Variants in PRKN observed in about 807,000 individuals in gnomAD.
The protein encoded by PRKN is E3 ubiquitin-protein ligase parkin.
PRKN carries 56 observed loss-of-function variants against 59.5 expected under a neutral mutation model. The ratio of observed to expected loss-of-function variants is 0.94; its 90% CI spans 0.76 to 1.18. The LOEUF (loss-of-function observed/expected upper bound fraction) is 1.18, where lower values mean the gene tolerates loss of function less well. Ranked by LOEUF, PRKN falls within the 50% of genes most tolerant of loss-of-function variation. The pLI is 0.00. For synonymous variants in PRKN, 250 were observed against 222.1 expected (o/e 1.13, Z -1.12); for missense variants, 657 against 596.4 (o/e 1.10, Z -1.06).
rs1000960292 is a variant in PRKN, at chr6:162,715,496, T to C, written c.7+12166A>G. ...TCTGATTATATTAAAGTACAGCTAA[T>C]TGCCCTAATAGTTTAAAGATCCTAA... On this transcript the variant is annotated intron_variant, in intron 1 of 11. Coordinates refer to ENST00000366898, the MANE Select transcript of PRKN (RefSeq NM_004562.3). Among the ~76,000 whole-genome samples, 3 of 152,228 alleles carry C rather than the reference T, an allele frequency of 2.0e-5. No individual in the cohort carries two copies. In the South Asian group the frequency reaches 6.2e-4, roughly 32 times the overall value.
intron 6 of PRKN, among the ~76,000 whole-genome samples, chr6:161,793,312 T>C (rs1790711496): frequency 6.6e-6 from 1 of 152,166 alleles, no homozygotes; most frequent in South Asian, 2.1e-4. Context: ...GCTCACTAAC[T>C]ACCCCTTCTG....
At chr6:162,465,063 TA>T (rs1385970487) in intron 1 of PRKN, among the ~76,000 whole-genome samples, 1 of 152,130 alleles carries the variant, frequency 6.6e-6, no homozygotes, top group African/African-American at 2.4e-5. Context: ...AATGTTTACC[TA>T]AAACTCCCTG....
rs1195474347 is a variant in PRKN, at chr6:161,429,637, G to C, written c.1084-42760C>G. ...GCCACGGAGATGGCTGCTGGTTTCA[G>C]GTTTGGGCCACAAGTAGATCAATGA... is the stretch of plus-strand genomic sequence containing the variant. On this transcript the variant is annotated intron_variant, in intron 9 of 11. Coordinates refer to ENST00000366898, the MANE Select transcript of PRKN (RefSeq NM_004562.3). The surrounding 1 kb of genome is among the most constrained non-coding windows in gnomAD (Gnocchi z 4.2). 6.6e-6 allele frequency among the ~76,000 whole-genome samples: 1 copy of C among 152,134 alleles called. No homozygotes were observed. Among genetic ancestry groups the C allele is most frequent in the Non-Finnish European group, 1.5e-5 (1 of 68,032 alleles).
At chr6:161,872,582 G>T (rs1347373609) in intron 6 of PRKN, among the ~76,000 whole-genome samples, 2 of 152,064 alleles carry the variant, frequency 1.3e-5, no homozygotes, top group East Asian at 3.9e-4. Flanking sequence ...GGCTTTCCTG[G>T]TCACACAGAG....
At chr6:162,673,539 T>A (rs1361389053) in intron 1 of PRKN, among the ~76,000 whole-genome samples, 1 of 152,086 alleles carries the variant, frequency 6.6e-6, no homozygotes, top group Non-Finnish European at 1.5e-5. Context: ...GCGCACACCA[T>A]CATGCCTAGC....
rs1286945606 is a variant in PRKN at position 161,527,071 on chromosome 6, G to A, written c.1083+21783C>T. Reference sequence around the variant, plus strand: ...CTCAGAAGAATCTGTGATCACCTGTGACAGAGTCTGTCTGGGTAAGGTATC... The same window carrying A: ...CTCAGAAGAATCTGTGATCACCTGTAACAGAGTCTGTCTGGGTAAGGTATC... On this transcript the variant is annotated intron_variant, in intron 9 of 11. Transcript: ENST00000366898. This position sits in a 1 kb window ranked among gnomAD's most constrained non-coding sequence, Gnocchi z 4.6. Among the ~76,000 whole-genome samples the A allele has an allele frequency of 6.6e-6, 1 of 152,172 alleles. No homozygotes were observed. The highest frequency in any genetic ancestry group is 2.4e-5 in the African/African-American group (1 of 41,444).
intron 2 of PRKN, among the ~76,000 whole-genome samples, chr6:162,394,259 G>C (rs1385276477): frequency 2.6e-5 from 4 of 152,172 alleles, no homozygotes; most frequent in Non-Finnish European, 5.9e-5. Context: ...CCTCTGCAAT[G>C]CTAGGGAGCT....
At chr6:162,393,140 TGAGGATAGGA>T (rs1787286542) in intron 2 of PRKN, among the ~76,000 whole-genome samples, 1 of 148,124 alleles carries the variant, frequency 6.8e-6, no homozygotes. Flanking sequence ...TGATACTGGG[TGAGGATAGGA>T]GATTCTTTTT....
chr6:161,403,751 G>C (rs560222292), intron 9 of PRKN, among the ~76,000 whole-genome samples: 14 of 152,124 alleles, frequency 9.2e-5, no homozygotes, highest in African/African-American at 2.7e-4. Context: ...TTTTATTCAC[G>C]TGAAGTCTTT....
intron 7 of PRKN, among the ~76,000 whole-genome samples, chr6:161,622,004 G>A (rs1403717455): frequency 1.3e-5 from 2 of 152,106 alleles, no homozygotes; most frequent in African/African-American, 2.4e-5. Flanking sequence ...GCCTTACCAC[G>A]TGTATGCCGC....
At chr6:161,715,067 G>C (rs190491419) in intron 7 of PRKN, among the ~76,000 whole-genome samples, 1 of 152,300 alleles carries the variant, frequency 6.6e-6, no homozygotes, top group East Asian at 1.9e-4. Flanking sequence ...CAAGGCAGCT[G>C]CATGCCAAAG....
rs1039199150 is a variant in PRKN, at chr6:161,538,893, T to A, written c.1083+9961A>T. Among the ~76,000 whole-genome samples, 1 of 152,154 alleles carries A rather than the reference T, an allele frequency of 6.6e-6. No homozygotes were observed. Among genetic ancestry groups the A allele is most frequent in the Non-Finnish European group, 1.5e-5 (1 of 68,030 alleles). On this transcript the variant is annotated intron_variant, in intron 9 of 11. Coordinates refer to ENST00000366898, the MANE Select transcript of PRKN (RefSeq NM_004562.3). This position sits in a 1 kb window ranked among gnomAD's most constrained non-coding sequence, Gnocchi z 4.2. ...TCCTGAGTGCTCATTCTGTGTGGGCTCCCTTGAACTCTGCCTAAATGTCAT... is the reference window on the plus strand; with the variant it reads ...TCCTGAGTGCTCATTCTGTGTGGGCACCCTTGAACTCTGCCTAAATGTCAT...
rs374147159 is a variant in PRKN, at chr6:162,428,317, CAAAT to C, written c.171+14989_171+14992del. ...GACTGAGAATGTATGTATAGATTCT[CAAAT>C]AAGCTTTATCTGAAGAATGTCTTAC... On this transcript the variant is annotated intron_variant, in intron 2 of 11. Transcript: ENST00000366898. Among the ~76,000 whole-genome samples the C allele has an allele frequency of 2.0e-4, 31 of 152,254 alleles. No individual in the cohort carries two copies. In the South Asian group the frequency reaches 6.4e-3, roughly 32 times the overall value.
chr6:162,569,475 G>A (rs1394571351), intron 1 of PRKN: 4 of 688,312 alleles, frequency 5.8e-6, no homozygotes, highest in Non-Finnish European at 1.1e-5. Flanking sequence ...AGTGAGGAGA[G>A]CCACCTGGAG....
rs977337396 is a variant in PRKN at position 161,548,795 on chromosome 6, A to G, written c.1083+59T>C. The G allele has an allele frequency of 6.8e-7, 1 of 1,465,686 alleles. No homozygotes were observed. The highest frequency in any genetic ancestry group is 1.7e-5 in the Admixed American group (1 of 57,460). The allele number at this position is 1,465,686 out of a possible 1,614,324, so 90.8% of individuals were successfully genotyped here. On this transcript the variant is annotated intron_variant, in intron 9 of 11. Transcript: ENST00000366898. The surrounding 1 kb of genome is among the most constrained non-coding windows in gnomAD (Gnocchi z 4.2). ...TAAAATAAAAATATAATCCCAGCCC[A>G]TGTGCAAAAGCAAACAAGGACAGGA... is the stretch of plus-strand genomic sequence containing the variant.
intron 1 of PRKN, among the ~76,000 whole-genome samples, chr6:162,565,741 T>TACATAC (rs1297211093): frequency 2.2e-5 from 3 of 137,230 alleles, no homozygotes; most frequent in Non-Finnish European, 4.8e-5. Context: ...TACATACATA[T>TACATAC]AATGAATGTA....
chr6:162,578,315 G>T (rs1780644895), intron 1 of PRKN, among the ~76,000 whole-genome samples: 1 of 152,020 alleles, frequency 6.6e-6, no homozygotes, highest in African/African-American at 2.4e-5. Flanking sequence ...TAAATATAAT[G>T]TATTAAAAAT....
chr6:161,773,296 A>G (rs9456708), intron 7 of PRKN, among the ~76,000 whole-genome samples: 55,277 of 152,184 alleles, frequency 0.36, 10,136 homozygotes, highest in South Asian at 0.48. Context: ...AAGGTCAATT[A>G]GTATTTTATT....
At chr6:161,727,179 A>G (rs1694236640) in intron 7 of PRKN, among the ~76,000 whole-genome samples, 1 of 152,160 alleles carries the variant, frequency 6.6e-6, no homozygotes, top group Non-Finnish European at 1.5e-5. Flanking sequence ...TCACAATGGG[A>G]GTCCTATTTT....
Sources: gnomAD v4.1 joint callset for allele counts (sites outside exome capture counted in the v4.1 genomes callset) on GRCh38, gnomAD v4.1.1 for gene constraint, Gnocchi (gnomAD v3.1) non-coding constraint, MANE v1.5 for transcripts, NCBI Gene and HGNC (gene_info 2026-07-23, HGNC 2026-07-21) for gene names.